Variants in TMEM266 observed in about 807,000 individuals in gnomAD.
TMEM266 encodes Hv1 related protein 1.
Under a neutral mutation model 50.5 loss-of-function variants are expected in TMEM266, and 33 were observed. That is an observed-to-expected ratio of 0.65 (90% CI 0.50 to 0.87). The LOEUF (loss-of-function observed/expected upper bound fraction) is 0.87. Ranked by LOEUF, TMEM266 falls within the 40% of genes least tolerant of loss-of-function variation. The pLI, the probability that TMEM266 is intolerant of heterozygous loss-of-function variation, is 0.00. For synonymous variants in TMEM266, 310 were observed against 292.3 expected, an observed-to-expected ratio of 1.06 and a Z score of -0.62; for missense variants, 655 against 695.1, an observed-to-expected ratio of 0.94 and a Z score of 0.65.
chr15:76,081,085 G>T (rs1167409345), intron 1 of TMEM266, among the ~76,000 whole-genome samples: 1 of 152,108 alleles, frequency 6.6e-6, no homozygotes, highest in African/African-American at 2.4e-5. Context: ...TTCTCTATTG[G>T]GATAGATTTT....
chr15:76,063,304 A>G (rs2036341031), intron 1 of TMEM266, among the ~76,000 whole-genome samples: 2 of 152,236 alleles, frequency 1.3e-5, no homozygotes, highest in African/African-American at 4.8e-5. Context: ...GGGCAGAGCC[A>G]AGATTTGAGC....
intron 8 of TMEM266, 81 bp from the exon 9 acceptor site, chr15:76,191,887 G>C (rs1161151962): frequency 2.2e-6 from 3 of 1,336,956 alleles, no homozygotes; most frequent in Non-Finnish European, 3.0e-6. Context: ...CCCCATGCAG[G>C]AGCAAAGCGC....
At chr15:76,089,631 G>A (rs2036822777) in intron 1 of TMEM266, among the ~76,000 whole-genome samples, 1 of 152,136 alleles carries the variant, frequency 6.6e-6, no homozygotes, top group African/African-American at 2.4e-5. Flanking sequence ...TGAGCAGGAG[G>A]GAGCTAGCTA....
At chr15:76,150,464 C>T (rs981951442) in intron 3 of TMEM266, among the ~76,000 whole-genome samples, 7 of 152,184 alleles carry the variant, frequency 4.6e-5, no homozygotes, top group East Asian at 1.9e-4. Flanking sequence ...GGGCTGATGC[C>T]GTGACTCTCC....
intron 1 of TMEM266, among the ~76,000 whole-genome samples, chr15:76,105,710 A>G (rs1316593859): frequency 6.6e-6 from 1 of 152,202 alleles, no homozygotes; most frequent in Non-Finnish European, 1.5e-5. Context: ...GGCAGGAATG[A>G]TGTCTCCATT....
At chr15:76,157,833 TA>T (rs1035520948) in intron 4 of TMEM266, among the ~76,000 whole-genome samples, 2 of 151,880 alleles carry the variant, frequency 1.3e-5, no homozygotes, top group Non-Finnish European at 2.9e-5. Flanking sequence ...CAAAAAAATT[TA>T]AAAATTTCCC....
intron 1 of TMEM266, among the ~76,000 whole-genome samples, chr15:76,129,262 CA>C (rs1195112078): frequency 6.6e-6 from 1 of 151,946 alleles, no homozygotes; most frequent in Non-Finnish European, 1.5e-5. Flanking sequence ...TGAAATCTTG[CA>C]AAAAAATTGA....
At chr15:76,131,236 A>G (rs2037505385) in intron 1 of TMEM266, among the ~76,000 whole-genome samples, 1 of 152,176 alleles carries the variant, frequency 6.6e-6, no homozygotes, top group South Asian at 2.1e-4. Context: ...GCGTGGTGGC[A>G]GGCACCTGTA....
chr15:76,199,354 GAGAA>G (rs900462102), intron 9 of TMEM266, among the ~76,000 whole-genome samples: 1 of 152,250 alleles, frequency 6.6e-6, no homozygotes, highest in African/African-American at 2.4e-5. Context: ...AGGCAACACA[GAGAA>G]AGGAGAACGA....
At chr15:76,152,751 C>T (rs2037864027) in intron 3 of TMEM266, among the ~76,000 whole-genome samples, 1 of 152,206 alleles carries the variant, frequency 6.6e-6, no homozygotes, top group Non-Finnish European at 1.5e-5. Flanking sequence ...TCATCCTTTA[C>T]CCGTCCTAAT....
At chr15:76,084,495 C>T (rs1251576919) in intron 1 of TMEM266, among the ~76,000 whole-genome samples, 1 of 152,046 alleles carries the variant, frequency 6.6e-6, no homozygotes, top group African/African-American at 2.4e-5. Context: ...GGAGAAATAG[C>T]AAGTGATGAG....
At chr15:76,186,039 G>T (rs767797208) in intron 8 of TMEM266, among the ~76,000 whole-genome samples, 4 of 152,126 alleles carry the variant, frequency 2.6e-5, no homozygotes, top group Admixed American at 6.5e-5. Flanking sequence ...TGTTCTCCTG[G>T]CCCCTGCTAC....
At chr15:76,104,134 G>A (rs1257914222) in intron 1 of TMEM266, among the ~76,000 whole-genome samples, 1 of 151,666 alleles carries the variant, frequency 6.6e-6, no homozygotes, top group African/African-American at 2.4e-5. Flanking sequence ...GGGAACCCAG[G>A]AGGCAGAGCT....
chr15:76,163,520 C>T (rs1412476442), intron 5 of TMEM266, among the ~76,000 whole-genome samples: 8 of 152,192 alleles, frequency 5.3e-5, no homozygotes, highest in Non-Finnish European at 1.5e-5. Context: ...GGCCCTGCAG[C>T]ACCAAGAATA....
At chr15:76,179,009 T>G (rs955719602) in intron 8 of TMEM266, among the ~76,000 whole-genome samples, 1 of 152,174 alleles carries the variant, frequency 6.6e-6, no homozygotes, top group African/African-American at 2.4e-5. Flanking sequence ...TGCAGCTGTA[T>G]TTTCAGACCT....
chr15:76,181,580 T>C (rs2038406182), intron 8 of TMEM266: 1 of 152,234 alleles, frequency 6.6e-6, no homozygotes, highest in Non-Finnish European at 1.5e-5. Context: ...TGTTTGTTTT[T>C]GGTGAGGGGT....
intron 10 of TMEM266, among the ~76,000 whole-genome samples, chr15:76,202,910 G>A (rs1318311307): frequency 6.6e-6 from 1 of 151,858 alleles, no homozygotes; most frequent in East Asian, 1.9e-4. Context: ...TGAATTTTTT[G>A]TTTTCCACAA....
intron 1 of TMEM266, among the ~76,000 whole-genome samples, chr15:76,063,251 T>A (rs1282921480): frequency 6.6e-6 from 1 of 152,178 alleles, no homozygotes; most frequent in Non-Finnish European, 1.5e-5. Context: ...GGTCAACTGT[T>A]TATATGATAA....
chr15:76,116,953 G>A (rs1164985933), intron 1 of TMEM266, among the ~76,000 whole-genome samples: 56 of 146,852 alleles, frequency 3.8e-4, no homozygotes, highest in East Asian at 3.0e-3. Context: ...AGGCTGGAGT[G>A]CAGTGGCATG....
Sources: allele counts gnomAD v4.1 joint callset (sites outside exome capture counted in the v4.1 genomes callset), GRCh38; gene constraint gnomAD v4.1.1; transcripts MANE v1.5; gene names NCBI Gene and HGNC (gene_info 2026-07-23, HGNC 2026-07-21).